The following PLCXD3 variants were observed in gnomAD, a reference collection of about 807,000 sequenced individuals.
The protein encoded by PLCXD3 is phosphatidylinositol specific phospholipase C X domain containing 3.
A neutral mutation model predicts 25.5 loss-of-function variants in PLCXD3; 19 were observed. The ratio of observed to expected loss-of-function variants is 0.75; its 90% CI spans 0.52 to 1.09. The LOEUF is 1.09. PLCXD3 is among the 50% of genes least tolerant of loss of function. PLCXD3 has a pLI of 0.00. For synonymous variants in PLCXD3, 174 were observed against 137.6 expected, an observed-to-expected ratio of 1.26 and a Z score of -1.85; for missense variants, 411 against 388.1, an observed-to-expected ratio of 1.06 and a Z score of -0.50.
intron 1 of PLCXD3, among the ~76,000 whole-genome samples, chr5:41,438,776 T>C (rs1027931489): frequency 1.3e-5 from 2 of 151,270 alleles, no homozygotes; most frequent in Non-Finnish European, 2.9e-5. Context: ...TTGGAGCTTA[T>C]TATTTAGTCC....
chr5:41,398,397 G>A (rs1306095482), intron 1 of PLCXD3, among the ~76,000 whole-genome samples: 1 of 152,230 alleles, frequency 6.6e-6, no homozygotes, highest in African/African-American at 2.4e-5. Context: ...TGCAATGATT[G>A]TAAGTTTCCT....
chr5:41,396,473 TAA>T (rs1227738588), intron 1 of PLCXD3, among the ~76,000 whole-genome samples: 1 of 152,208 alleles, frequency 6.6e-6, no homozygotes, highest in African/African-American at 2.4e-5. Context: ...CTTTTCTTCA[TAA>T]ATTACCCAGT....
At chr5:41,402,581 TGG>T (rs1424205562) in intron 1 of PLCXD3, among the ~76,000 whole-genome samples, 1 of 151,884 alleles carries the variant, frequency 6.6e-6, no homozygotes, top group Admixed American at 6.6e-5. Context: ...TAGGTTAACC[TGG>T]TTGATAATGT....
intron 1 of PLCXD3, among the ~76,000 whole-genome samples, chr5:41,432,551 C>T (rs1747143028): frequency 6.6e-6 from 1 of 152,116 alleles, no homozygotes; most frequent in Non-Finnish European, 1.5e-5. Context: ...AATGTCTTCC[C>T]TAAAAGTTAT....
intron 1 of PLCXD3, among the ~76,000 whole-genome samples, chr5:41,474,564 A>C (rs1192735859): frequency 6.6e-6 from 1 of 152,226 alleles, no homozygotes; most frequent in Non-Finnish European, 1.5e-5. Flanking sequence ...TGGGTCCACT[A>C]AACGCCATGG....
chr5:41,466,316 T>C (rs748422086), intron 1 of PLCXD3, among the ~76,000 whole-genome samples: 1 of 152,058 alleles, frequency 6.6e-6, no homozygotes, highest in Non-Finnish European at 1.5e-5. Flanking sequence ...TAGTTAGCAA[T>C]GTAGGGAGAA....
intron 2 of PLCXD3, among the ~76,000 whole-genome samples, chr5:41,317,413 C>G (rs1238859743): frequency 3.9e-5 from 6 of 152,088 alleles, no homozygotes; most frequent in Admixed American, 2.6e-4. Context: ...GCTCAGACAG[C>G]AAAGACTAGA....
intron 2 of PLCXD3, among the ~76,000 whole-genome samples, chr5:41,371,685 G>A (rs189379364): frequency 3.9e-5 from 6 of 152,202 alleles, no homozygotes; most frequent in Admixed American, 3.3e-4. Flanking sequence ...AATCCTGCAC[G>A]TTCAACTACA....
chr5:41,442,237 A>T (rs1223588609), intron 1 of PLCXD3, among the ~76,000 whole-genome samples: 1 of 152,240 alleles, frequency 6.6e-6, no homozygotes, highest in Non-Finnish European at 1.5e-5. Flanking sequence ...AACAACTCAG[A>T]AGGTGTTGAT....
intron 2 of PLCXD3, among the ~76,000 whole-genome samples, chr5:41,374,570 T>C (rs918930149): frequency 1.3e-5 from 2 of 152,118 alleles, no homozygotes; most frequent in Non-Finnish European, 2.9e-5. Flanking sequence ...CACGTACATA[T>C]ATGTATCTGT....
At chr5:41,330,763 C>T (rs1263897750) in intron 2 of PLCXD3, among the ~76,000 whole-genome samples, 28 of 152,262 alleles carry the variant, frequency 1.8e-4, no homozygotes, top group African/African-American at 6.3e-4. Flanking sequence ...AAGTGGGCTT[C>T]ATCCCTGGGA....
At chr5:41,343,468 T>G (rs1181483019) in intron 2 of PLCXD3, among the ~76,000 whole-genome samples, 2 of 152,172 alleles carry the variant, frequency 1.3e-5, no homozygotes, top group Non-Finnish European at 2.9e-5. Context: ...GAAAATTGTT[T>G]GCTTATATGC....
chr5:41,383,811 A>T (rs958098821), intron 1 of PLCXD3, among the ~76,000 whole-genome samples: 5 of 151,576 alleles, frequency 3.3e-5, no homozygotes, highest in Non-Finnish European at 7.4e-5. Flanking sequence ...CCTTAAGTTT[A>T]TCCATACAAC....
intron 1 of PLCXD3, among the ~76,000 whole-genome samples, chr5:41,408,785 G>T (rs1746431083): frequency 6.6e-6 from 1 of 152,162 alleles, no homozygotes; most frequent in Admixed American, 6.6e-5. Context: ...CCACCAAGCT[G>T]CATTTTCAAA....
chr5:41,418,629 C>T (rs1377880852), intron 1 of PLCXD3, among the ~76,000 whole-genome samples: 1 of 152,120 alleles, frequency 6.6e-6, no homozygotes, highest in Non-Finnish European at 1.5e-5. Context: ...GCAAGTCTTC[C>T]AGTTTATGAA....
At chr5:41,457,559 C>T (rs951502848) in intron 1 of PLCXD3, among the ~76,000 whole-genome samples, 6 of 151,820 alleles carry the variant, frequency 4.0e-5, no homozygotes, top group South Asian at 2.1e-4. Flanking sequence ...CTGTGACCAG[C>T]GCCTCAGATA....
At chr5:41,470,935 G>A (rs1442901658) in intron 1 of PLCXD3, among the ~76,000 whole-genome samples, 4 of 152,112 alleles carry the variant, frequency 2.6e-5, no homozygotes, top group South Asian at 4.1e-4. Flanking sequence ...GAAATGAATA[G>A]TAGTTAAAGT....
At chr5:41,445,331 C>T (rs1004742702) in intron 1 of PLCXD3, among the ~76,000 whole-genome samples, 33 of 152,182 alleles carry the variant, frequency 2.2e-4, no homozygotes, top group African/African-American at 7.7e-4. Context: ...GTCAGATCTT[C>T]CTGGCTTCAA....
intron 1 of PLCXD3, among the ~76,000 whole-genome samples, chr5:41,432,069 G>C (rs541136615): frequency 2.5e-4 from 38 of 152,274 alleles, no homozygotes; most frequent in Non-Finnish European, 5.0e-4. Flanking sequence ...TTGGAGACAA[G>C]AGAGCCTTTT....
Sources: gnomAD v4.1 joint callset for allele counts (sites outside exome capture counted in the v4.1 genomes callset) on GRCh38, gnomAD v4.1.1 for gene constraint, MANE v1.5 for transcripts, NCBI Gene and HGNC (gene_info 2026-07-23, HGNC 2026-07-21) for gene names.